Variants in SLC6A11 observed in about 807,000 individuals in gnomAD.
SLC6A11 encodes the protein sodium- and chloride-dependent GABA transporter 3.
Under a neutral mutation model 74.8 loss-of-function variants are expected in SLC6A11, and 25 were observed. That is an observed-to-expected ratio of 0.33 (90% CI 0.24 to 0.47). The LOEUF is 0.47. SLC6A11 is among the 20% of genes least tolerant of loss of function. SLC6A11 has a pLI of 1.00. For missense variants in SLC6A11, 574 were observed against 837.0 expected (o/e 0.69, Z 3.88); for synonymous variants, 330 against 330.2 (o/e 1.00, Z 0.01).
Position 10,844,184 on chromosome 3 carries a change from C to T in SLC6A11, c.624-30C>T, listed in dbSNP as rs772409854. On this transcript the variant is annotated intron_variant, in intron 4 of 13. Coordinates refer to ENST00000254488, the MANE Select transcript of SLC6A11 (RefSeq NM_014229.3). ...TTGCTGAAAATGGGCCAGCCCCAGCCCCAGTGACTCTCCACCCTCCCTTCT... is the reference window on the plus strand; with the variant it reads ...TTGCTGAAAATGGGCCAGCCCCAGCTCCAGTGACTCTCCACCCTCCCTTCT... The T allele has an allele frequency of 3.7e-6, 6 of 1,613,902 alleles. No homozygotes were observed. The African/African-American group carries it at 8.0e-5, about 22-fold the overall frequency.
At chr3:10,892,964 C>T (rs534295909) in intron 6 of SLC6A11, among the ~76,000 whole-genome samples, 1 of 152,284 alleles carries the variant, frequency 6.6e-6, no homozygotes, top group East Asian at 1.9e-4. Context: ...AGTTGACTGA[C>T]CCTTCCAGAA....
rs1191253576 is a variant in SLC6A11, at chr3:10,887,506, C to T, written c.891+12411C>T. On this transcript the variant is annotated intron_variant, in intron 6 of 13. Coordinates refer to ENST00000254488, the MANE Select transcript of SLC6A11 (RefSeq NM_014229.3). ...TGTCACCCAGGCTGGAGTACAATGG[C>T]CTGATCTCGGCTCACTGCAACCTCT... Among the ~76,000 whole-genome samples, 10 of 152,208 alleles carry T rather than the reference C, an allele frequency of 6.6e-5. No individual in the cohort carries two copies. In the East Asian group the frequency reaches 1.2e-3, roughly 18 times the overall value.
intron 9 of SLC6A11, 35 bp from the exon 10 acceptor site, chr3:10,929,167 C>G (rs1180327838): frequency 1.9e-6 from 3 of 1,609,660 alleles, no homozygotes; most frequent in East Asian, 2.2e-5. Flanking sequence ...GCAGCCTTGT[C>G]CTTGAGTTTC....
chr3:10,891,079 C>A (rs1168544234), intron 6 of SLC6A11, among the ~76,000 whole-genome samples: 1 of 152,206 alleles, frequency 6.6e-6, no homozygotes, highest in African/African-American at 2.4e-5. Flanking sequence ...CCACAGCATG[C>A]AATCTTAACT....
At chr3:10,880,055 A>G (rs540917157) in intron 6 of SLC6A11, among the ~76,000 whole-genome samples, 5 of 152,214 alleles carry the variant, frequency 3.3e-5, no homozygotes, top group Non-Finnish European at 5.9e-5. Context: ...GCTGGCCAAC[A>G]TCTGAGGCAC....
At chr3:10,919,309 GA>G (rs1449055039) in intron 8 of SLC6A11, among the ~76,000 whole-genome samples, 1 of 152,198 alleles carries the variant, frequency 6.6e-6, no homozygotes, top group Non-Finnish European at 1.5e-5. Context: ...GTGTTTACAT[GA>G]CAAATGGAGT....
Position 10,926,571 on chromosome 3 carries a change from C to T in SLC6A11, c.1233+455C>T, listed in dbSNP as rs1373227513. Among the ~76,000 whole-genome samples the T allele has an allele frequency of 3.3e-5, 5 of 152,090 alleles. No homozygotes were observed. The highest frequency in any genetic ancestry group is 2.0e-4 in the Admixed American group (3 of 15,280). ...ACATAGAAAAGCACCTCCTCTTCCT[C>T]CATCTCTGTCCTGGATGCCACCACC... On this transcript the variant is annotated intron_variant, in intron 9 of 13. Coordinates refer to ENST00000254488, the MANE Select transcript of SLC6A11 (RefSeq NM_014229.3). The surrounding 1 kb of genome is among the most constrained non-coding windows in gnomAD (Gnocchi z 5.7).
At chr3:10,912,387 G>T (rs542377733) in intron 7 of SLC6A11, among the ~76,000 whole-genome samples, 194 bp downstream of exon 7, 13 of 152,280 alleles carry the variant, frequency 8.5e-5, no homozygotes, top group African/African-American at 3.1e-4. Context: ...AATGTAGTCA[G>T]AGTCTCTCTC....
intron 5 of SLC6A11, among the ~76,000 whole-genome samples, chr3:10,851,402 G>GAA (rs35692912): frequency 1.4e-5 from 2 of 142,250 alleles, no homozygotes; most frequent in African/African-American, 2.6e-5. Flanking sequence ...CCGAGGCAAG[G>GAA]AAAAAAAAAA....
chr3:10,859,037 A>T (rs1694671144), intron 5 of SLC6A11, among the ~76,000 whole-genome samples: 1 of 152,224 alleles, frequency 6.6e-6, no homozygotes, highest in African/African-American at 2.4e-5. Context: ...AAGCCTAGTA[A>T]GAAATTGAGA....
At chr3:10,830,277 A>C (rs1461510018) in intron 4 of SLC6A11, among the ~76,000 whole-genome samples, 1 of 152,186 alleles carries the variant, frequency 6.6e-6, no homozygotes, top group Admixed American at 6.5e-5. Context: ...TAAAAAAAGC[A>C]AGAGCACAGA....
intron 8 of SLC6A11, among the ~76,000 whole-genome samples, chr3:10,920,261 A>C (rs1407749446): frequency 6.6e-6 from 1 of 152,258 alleles, no homozygotes; most frequent in African/African-American, 2.4e-5. Flanking sequence ...TTCTTATTCA[A>C]ATTGAAAGAA....
chr3:10,836,925 T>C (rs1247171930), intron 4 of SLC6A11, among the ~76,000 whole-genome samples: 2 of 152,282 alleles, frequency 1.3e-5, no homozygotes, highest in African/African-American at 2.4e-5. Flanking sequence ...GCTTTCACCC[T>C]GCAGGAATAG....
Position 10,935,031 on chromosome 3 carries a change from G to C in SLC6A11, c.1578G>C (p.Gly526=). Residue 526 remains glycine (G), a splice_region_variant and synonymous_variant, in exon 13 of 14, where the codon GGG becomes GGC. Coordinates refer to ENST00000254488, the MANE Select transcript of SLC6A11 (RefSeq NM_014229.3). ...CACCTGCCCCCATCTCTCTGCAGGG[G>C]ATCTTCATCTTCTTCTTGATCAAGT... ...WMIMTPGICA[G]IFIFFLIKYK... The C allele has an allele frequency of 6.2e-7, 1 of 1,613,664 alleles. No individual in the cohort carries two copies. Among genetic ancestry groups the C allele is most frequent in the Non-Finnish European group, 8.5e-7 (1 of 1,179,790 alleles).
chr3:10,874,864 TC>T, intron 5 of SLC6A11, 96 bp from the exon 6 acceptor site: 2 of 1,243,052 alleles, frequency 1.6e-6, no homozygotes, highest in Non-Finnish European at 2.2e-6. Context: ...GGAGAGAGGG[TC>T]CTGGTGCAAC....
At chr3:10,889,969 C>T (rs528716726) in intron 6 of SLC6A11, among the ~76,000 whole-genome samples, 1 of 152,296 alleles carries the variant, frequency 6.6e-6, no homozygotes, top group Admixed American at 6.5e-5. Context: ...CAACAATTTC[C>T]ACTTTCTAGA....
In SLC6A11 at chr3:10,929,346, G is replaced by A. The variant is rs1695652578; in HGVS notation, c.1371+7G>A. The A allele has an allele frequency of 1.2e-6, 2 of 1,613,638 alleles. No individual in the cohort carries two copies. Among genetic ancestry groups the A allele is most frequent in the South Asian group, 1.1e-5 (1 of 91,008 alleles). On this transcript the variant is annotated splice_region_variant and intron_variant, in intron 10 of 13. Transcript: ENST00000254488. ...CCTCGTGATGTTAACAGAGGTGAGTGGCATGGTTCGGGCCGCACGGGGTGA... is the reference window on the plus strand; with the variant it reads ...CCTCGTGATGTTAACAGAGGTGAGTAGCATGGTTCGGGCCGCACGGGGTGA...
chr3:10,860,973 G>A (rs1435491474), intron 5 of SLC6A11, among the ~76,000 whole-genome samples: 1 of 152,180 alleles, frequency 6.6e-6, no homozygotes, highest in Non-Finnish European at 1.5e-5. Flanking sequence ...GAGGATTAAA[G>A]AGCATCAGTA....
At chr3:10,900,013 C>G (rs1375048361) in intron 6 of SLC6A11, among the ~76,000 whole-genome samples, 2 of 152,228 alleles carry the variant, frequency 1.3e-5, no homozygotes, top group South Asian at 4.1e-4. Context: ...CATAGCTACA[C>G]TGAAGGCAGA....
Sources: gnomAD v4.1 joint callset for allele counts (sites outside exome capture counted in the v4.1 genomes callset) on GRCh38, gnomAD v4.1.1 for gene constraint, Gnocchi (gnomAD v3.1) non-coding constraint, MANE v1.5 for transcripts, NCBI Gene and HGNC (gene_info 2026-07-23, HGNC 2026-07-21) for gene names.